Variants in GULP1 observed in about 807,000 individuals in gnomAD.
GULP1 encodes the protein PTB domain-containing engulfment adapter protein 1.
GULP1 carries 19 observed loss-of-function variants against 40.9 expected under a neutral mutation model. The ratio of observed to expected loss-of-function variants is 0.46; its 90% confidence interval spans 0.32 to 0.68. The LOEUF is 0.68. GULP1 is among the 30% of genes least tolerant of loss of function. The probability of loss-of-function intolerance (pLI) is 0.03; values close to 1 mark genes in which losing one functional copy is unlikely to be tolerated. For missense variants in GULP1, 312 were observed against 362.2 expected (o/e 0.86, Z 1.12); for synonymous variants, 119 against 117.6 (o/e 1.01, Z -0.08).
At chr2:188,571,824 A>C (rs936013424) in intron 9 of GULP1, among the ~76,000 whole-genome samples, 1 of 152,202 alleles carries the variant, frequency 6.6e-6, no homozygotes, top group Non-Finnish European at 1.5e-5. Context: ...AGGAGTTTTG[A>C]TAACGTAGTT....
At position 188,470,084 on chromosome 2, in the gene GULP1, TG is replaced by T. The variant is rs143884424; in HGVS notation, c.-44-7573del. Among the ~76,000 whole-genome samples, 1,486 of 152,286 alleles carry T rather than the reference TG, an allele frequency of 9.8e-3. 28 individuals are homozygous for T. Among genetic ancestry groups the T allele is most frequent in the African/African-American group, 0.034 (1,430 of 41,570 alleles). ...TAATACTGGCCTCATAGAATGAGTT[TG>T]GAAGTATTCTCTCCTCCTCTATTTT... is the stretch of plus-strand genomic sequence containing the variant. On this transcript the variant is annotated intron_variant, in intron 2 of 11. Coordinates refer to ENST00000409830, the MANE Select transcript of GULP1 (RefSeq NM_016315.4).
chr2:188,425,483 C>A (rs1245230081), intron 2 of GULP1, among the ~76,000 whole-genome samples: 1 of 152,084 alleles, frequency 6.6e-6, no homozygotes, highest in Non-Finnish European at 1.5e-5. Flanking sequence ...GTTGTAGTTT[C>A]CAGTCTTTCA....
Position 188,468,385 on chromosome 2 carries a change from A to T in GULP1, c.-44-9274A>T, listed in dbSNP as rs373008485. 9.8e-5 allele frequency among the ~76,000 whole-genome samples: 15 copies of T among 152,292 alleles called. No individual in the cohort carries two copies. The East Asian group carries it at 2.1e-3, about 22-fold the overall frequency. ...TTATTAAAGATTATTTTTAAAATTG[A>T]CATACACTTTAAATAAAGTTGGGAG... is the stretch of plus-strand genomic sequence containing the variant. On this transcript the variant is annotated intron_variant, in intron 2 of 11. Coordinates refer to ENST00000409830, the MANE Select transcript of GULP1 (RefSeq NM_016315.4).
intron 1 of GULP1, among the ~76,000 whole-genome samples, chr2:188,333,939 G>A (rs962802003): frequency 4.6e-5 from 7 of 152,100 alleles, no homozygotes; most frequent in African/African-American, 1.7e-4. Context: ...CACATAGGCA[G>A]GGACTCCGTG....
At position 188,447,389 on chromosome 2, in the gene GULP1, G is replaced by T. The variant is rs540492173; in HGVS notation, c.-44-30270G>T. Among the ~76,000 whole-genome samples, 244 of 152,242 alleles carry T rather than the reference G, an allele frequency of 1.6e-3. 6 individuals are homozygous for T. Among genetic ancestry groups the T allele is most frequent in the Non-Finnish European group, 2.0e-3 (135 of 68,010 alleles). ...TTTCTGGTTAAATTTGGATTGCCCTGGCCGAGAGGAAGAATCTGTTCAGAT... is the reference window on the plus strand; with the variant it reads ...TTTCTGGTTAAATTTGGATTGCCCTTGCCGAGAGGAAGAATCTGTTCAGAT... On this transcript the variant is annotated intron_variant, in intron 2 of 11. Transcript: ENST00000409830.
chr2:188,295,129 G>A (rs1461642849), intron 1 of GULP1, among the ~76,000 whole-genome samples: 1 of 152,098 alleles, frequency 6.6e-6, no homozygotes. Flanking sequence ...TATTTTTAAA[G>A]TCCAGCTTAA....
intron 2 of GULP1, among the ~76,000 whole-genome samples, chr2:188,438,117 C>T (rs1230234086): frequency 1.3e-5 from 2 of 151,926 alleles, no homozygotes; most frequent in African/African-American, 4.8e-5. Flanking sequence ...AAAATACAAA[C>T]GCAGTGATGG....
At chr2:188,360,714 T>C (rs2045960038) in intron 1 of GULP1, among the ~76,000 whole-genome samples, 2 of 152,062 alleles carry the variant, frequency 1.3e-5, no homozygotes, top group Non-Finnish European at 2.9e-5. Flanking sequence ...ATGGAAACCA[T>C]TTGGCTGCTG....
intron 4 of GULP1, among the ~76,000 whole-genome samples, chr2:188,507,784 A>G (rs2064085706): frequency 1.3e-5 from 2 of 151,978 alleles, no homozygotes. Flanking sequence ...TAACAATTAG[A>G]TGCACAGTTC....
intron 2 of GULP1, among the ~76,000 whole-genome samples, chr2:188,412,420 C>T (rs1304215201): frequency 6.6e-6 from 1 of 152,118 alleles, no homozygotes; most frequent in East Asian, 1.9e-4. Context: ...CTGTAACTCT[C>T]TTCTTAGCCT....
chr2:188,552,621 G>T (rs1260645652), intron 7 of GULP1, among the ~76,000 whole-genome samples: 1 of 151,532 alleles, frequency 6.6e-6, no homozygotes, highest in African/African-American at 2.4e-5. Flanking sequence ...GCTCAGAATT[G>T]CTTTAAGTTT....
chr2:188,480,285 A>G (rs2061345767), intron 3 of GULP1, among the ~76,000 whole-genome samples: 1 of 152,010 alleles, frequency 6.6e-6, no homozygotes, highest in Admixed American at 6.6e-5. Flanking sequence ...CCATCAACAT[A>G]CCCTGTGTAC....
intron 2 of GULP1, among the ~76,000 whole-genome samples, chr2:188,471,631 AC>A (rs2060601295): frequency 6.6e-6 from 1 of 152,134 alleles, no homozygotes; most frequent in Non-Finnish European, 1.5e-5. Flanking sequence ...GTTTGCATAA[AC>A]CAACTAACAA....
chr2:188,397,563 G>T (rs1249917980), intron 2 of GULP1, among the ~76,000 whole-genome samples: 2 of 152,198 alleles, frequency 1.3e-5, no homozygotes, highest in Admixed American at 1.3e-4. Flanking sequence ...TTGAATCTAT[G>T]CCCATTGTTT....
intron 7 of GULP1, among the ~76,000 whole-genome samples, chr2:188,554,687 G>T (rs1428335912): frequency 6.6e-6 from 1 of 151,796 alleles, no homozygotes; most frequent in South Asian, 2.1e-4. Flanking sequence ...GTTTAAATTT[G>T]GAGGTTTTTG....
Position 188,584,262 on chromosome 2 carries a change from C to A in GULP1, c.610-3C>A. 1.3e-6 allele frequency: 2 copies of A among 1,591,112 alleles called. No homozygotes were observed. The highest frequency in any genetic ancestry group is 1.7e-6 in the Non-Finnish European group (2 of 1,160,374). ...TACCCTAATTCATTTATTTTCATTG[C>A]AGGCAGGCAGTATGACACCTAAGTC... On this transcript the variant is annotated splice_region_variant and splice_polypyrimidine_tract_variant and intron_variant, in intron 9 of 11. Coordinates refer to ENST00000409830, the MANE Select transcript of GULP1 (RefSeq NM_016315.4).
At chr2:188,297,852 G>A (rs1574197608) in intron 1 of GULP1, among the ~76,000 whole-genome samples, 2 of 151,996 alleles carry the variant, frequency 1.3e-5, no homozygotes, top group South Asian at 2.1e-4. Context: ...TTTGTAGTAT[G>A]GTAGCAAACG....
At chr2:188,560,190 T>G (rs549846312) in intron 7 of GULP1, among the ~76,000 whole-genome samples, 1 of 152,348 alleles carries the variant, frequency 6.6e-6, no homozygotes, top group Admixed American at 6.5e-5. Context: ...TATAGCTTGT[T>G]AGAAGCAGCC....
At chr2:188,479,806 G>A (rs2061312684) in intron 3 of GULP1, among the ~76,000 whole-genome samples, 1 of 152,106 alleles carries the variant, frequency 6.6e-6, no homozygotes, top group South Asian at 2.1e-4. Flanking sequence ...GGATAGTAAT[G>A]TGAGTAACCA....
Sources: allele counts gnomAD v4.1 joint callset (sites outside exome capture counted in the v4.1 genomes callset), GRCh38; gene constraint gnomAD v4.1.1; transcripts MANE v1.5; gene names NCBI Gene and HGNC (gene_info 2026-07-23, HGNC 2026-07-21).